SH3BP1: variants seen among roughly 807,000 people sequenced by gnomAD.
SH3BP1 encodes the protein SH3 domain-binding protein 1.
A neutral mutation model predicts 69.8 loss-of-function variants in SH3BP1; 46 were observed. That is an observed-to-expected ratio of 0.66 (90% confidence interval 0.52 to 0.84). The LOEUF (loss-of-function observed/expected upper bound fraction) is 0.84. Among genes scored for constraint, SH3BP1 ranks in the 40% least tolerant of loss-of-function variants. The pLI is 0.00. For missense variants in SH3BP1, 868 were observed against 930.9 expected (o/e 0.93, Z 0.88); for synonymous variants, 403 against 378.0 (o/e 1.07, Z -0.77).
At chr22:37,642,722 T>C (rs1325021374) in intron 4 of SH3BP1, 107 bp downstream of exon 4, 1 of 1,606,182 alleles carries the variant, frequency 6.2e-7, no homozygotes, top group South Asian at 1.1e-5. Context: ...ATGACCAGGC[T>C]GGGGACAGTT....
At position 37,655,358 on chromosome 22, in the gene SH3BP1, C is replaced by T; in HGVS notation, c.1780C>T (p.Pro594Ser). The T allele has an allele frequency of 6.8e-7, 1 of 1,471,068 alleles. No homozygotes were observed. The highest frequency in any genetic ancestry group is 9.1e-7 in the Non-Finnish European group (1 of 1,097,790). 91.1% of individuals were successfully genotyped at this position (1,471,068 alleles called of 1,614,324 possible). A position where few individuals can be genotyped will look rare whatever the true frequency, so the allele number is the denominator to read the frequency against. Reference sequence around the variant, plus strand: ...CTCCCCTCCAGCCCCGCCCTTGCCCCCTGGCTCTGGCAGCCCTGGGACCCC... The same window carrying T: ...CTCCCCTCCAGCCCCGCCCTTGCCCTCTGGCTCTGGCAGCCCTGGGACCCC... ...RSSPPAPPLP[P>S]GSGSPGTPQA... The change falls in exon 18 of 18, where the codon CCT becomes TCT. Residue 594 changes from proline (P) to serine (S), a missense_variant. Around this residue, in one of 3 missense-constraint regions of SH3BP1, gnomAD observed 474 missense variants for 462.3 expected, o/e 1.03. Transcript: ENST00000649765.
In SH3BP1 at chr22:37,650,525, G is replaced by A. The variant is rs376669485; in HGVS notation, c.1415-17G>A. 37 of 1,599,698 alleles carry A rather than the reference G, an allele frequency of 2.3e-5. No homozygotes were observed. Among genetic ancestry groups the A allele is most frequent in the Admixed American group, 1.2e-4 (7 of 58,798 alleles). ...GGCGCGGTCTCTGAGAGCCGTCTCC[G>A]CTCCTTCTGTCTCCAGACATCAACT... On this transcript the variant is annotated splice_polypyrimidine_tract_variant and intron_variant, in intron 15 of 17. Transcript: ENST00000649765.
chr22:37,644,583 C>G lies in SH3BP1; in HGVS notation c.619-54C>G, dbSNP rs1193064801. On this transcript the variant is annotated intron_variant, in intron 7 of 17. Coordinates refer to ENST00000649765, the MANE Select transcript of SH3BP1 (RefSeq NM_018957.6). ...CCAACCCTTCCAAGCCTCCTCTTCC[C>G]CTCTAGACCCCACAGCCTCACCCAA... The G allele has an allele frequency of 1.3e-5, 20 of 1,568,968 alleles. No individual in the cohort carries two copies. In the East Asian group the frequency reaches 4.0e-4, roughly 32 times the overall value.
Position 37,647,527 on chromosome 22 carries a change from C to T in SH3BP1, c.1199+6C>T. The T allele has an allele frequency of 6.3e-7, 1 of 1,589,856 alleles. No homozygotes were observed. The highest frequency in any genetic ancestry group is 8.5e-7 in the Non-Finnish European group (1 of 1,172,540). On this transcript the variant is annotated splice_donor_region_variant and intron_variant, in intron 13 of 17. Transcript: ENST00000649765. ...GAGAACCTCAGCAACCTCAGGTGAG[C>T]CCGAGCCCGCCTCCCCAGCCTGCCG...
At position 37,655,957 on chromosome 22, in the gene SH3BP1, G is replaced by T. The variant is rs1933032510; in HGVS notation, c.*273G>T. ...GGGGAGCCACCGGAAGGAAGGAGAG[G>T]TTTGCCTGCTCCTACGGGACTGATT... On this transcript the variant is annotated 3_prime_UTR_variant, in exon 18 of 18. Transcript: ENST00000649765. 6.4e-7 allele frequency: 1 copy of T among 1,554,584 alleles called. No individual in the cohort carries two copies. Among genetic ancestry groups the T allele is most frequent in the Non-Finnish European group, 8.7e-7 (1 of 1,152,644 alleles).
intron 13 of SH3BP1, among the ~76,000 whole-genome samples, chr22:37,647,935 C>G (rs999935167): frequency 2.6e-5 from 4 of 152,256 alleles, no homozygotes; most frequent in African/African-American, 9.6e-5. Context: ...CTCAGCCTCC[C>G]AAAGTGCTGG....
At chr22:37,649,116 T>C (rs997933419) in intron 14 of SH3BP1, among the ~76,000 whole-genome samples, 2 of 152,056 alleles carry the variant, frequency 1.3e-5, no homozygotes, top group African/African-American at 4.8e-5. Flanking sequence ...CATCTGTAAA[T>C]TGGGGAGAAA....
chr22:37,655,991 G>A lies in SH3BP1; in HGVS notation c.*307G>A, dbSNP rs1933034818. ...CTCCTACGGGACTGATTCTTCTCTT[G>A]CCGACATGTTTTTTGTAAGGCTGGT... On this transcript the variant is annotated 3_prime_UTR_variant, in exon 18 of 18. Transcript: ENST00000649765. The A allele has an allele frequency of 6.6e-7, 1 of 1,510,366 alleles. No individual in the cohort carries two copies. The highest frequency in any genetic ancestry group is 2.8e-5 in the East Asian group (1 of 36,128). The allele number at this position is 1,510,366 out of a possible 1,614,324, so 93.6% of individuals were successfully genotyped here. A position where few individuals can be genotyped will look rare whatever the true frequency, so the allele number is the denominator to read the frequency against.
chr22:37,643,394 T>A (rs1014089503), intron 6 of SH3BP1: 5 of 659,132 alleles, frequency 7.6e-6, no homozygotes, highest in Admixed American at 2.8e-5. Context: ...CCCTAAAGCC[T>A]GGGATCCTGT....
Position 37,643,147 on chromosome 22 carries a change from T to C in SH3BP1, c.446T>C (p.Val149Ala), listed in dbSNP as rs1168962762. ...CACAAGAAAAGCCTCCAGAAGCTCG[T>C]GTCCGACTGGAACACACTCAAGAGC... The part of the protein sequence containing the change: ...LKHKKSLQKL[V>A]SDWNTLKSRL... Residue 149 changes from valine (V) to alanine (A), a missense_variant, in exon 6 of 18, where the codon GTG becomes GCG. Val to Ala is a moderately conservative substitution (Grantham distance 64). Coordinates refer to ENST00000649765, the MANE Select transcript of SH3BP1 (RefSeq NM_018957.6). The C allele has an allele frequency of 1.2e-6, 2 of 1,608,410 alleles. No individual in the cohort carries two copies. The highest frequency in any genetic ancestry group is 3.4e-5 in the Admixed American group (2 of 59,404).
intron 3 of SH3BP1, chr22:37,641,733 C>G (rs1601580346): frequency 2.1e-6 from 1 of 479,858 alleles, no homozygotes; most frequent in East Asian, 3.7e-5. Flanking sequence ...ACTTCTCTGT[C>G]CAATCAGTGC....
rs762987 is a variant in SH3BP1, at chr22:37,650,711, A to G, written c.1584A>G (p.Ala528=). ...CTCCGGCCCCAGCCTTGGCTTCAGC[A>G]GCTACCAAGGAAAGGTGAGGACTGA... is the stretch of plus-strand genomic sequence containing the variant. ...APAPAPALAS[A]ATKERTESEV... is the part of the protein sequence containing the mutation. Residue 528 remains alanine, a synonymous_variant, in exon 16 of 18, where the codon GCA becomes GCG. Coordinates refer to ENST00000649765, the MANE Select transcript of SH3BP1 (RefSeq NM_018957.6). 0.092 allele frequency: 148,063 copies of G among 1,611,028 alleles called. 10,160 individuals carry two copies. Among genetic ancestry groups the G allele is most frequent in the African/African-American group, 0.35 (26,276 of 74,924 alleles).
chr22:37,642,384 T>C (rs1932628702), intron 3 of SH3BP1, 155 bp from the exon 4 acceptor site: 2 of 664,770 alleles, frequency 3.0e-6, no homozygotes, highest in Admixed American at 5.1e-5. Context: ...CAGGGAAATG[T>C]CACCCCCACC....
Position 37,642,564 on chromosome 22 carries a change from C to G in SH3BP1, c.233C>G (p.Ser78Cys). Residue 78 changes from serine (S) to cysteine (C), a missense_variant, in exon 4 of 18, where the codon TCC becomes TGC. Physicochemically the swap from Ser to Cys is moderately radical, Grantham distance 112. This residue lies in a region of SH3BP1 where 387 missense variants were observed against 447.9 expected (regional missense o/e 0.86). Coordinates refer to ENST00000649765, the MANE Select transcript of SH3BP1 (RefSeq NM_018957.6). ...AAGAAGCTTCCCCTCATGGCTCTGT[C>G]CACCACGATGGCTGAGAGCTTCAAG... ...RVKKLPLMAL[S>C]TTMAESFKEL... is the part of the protein sequence containing the mutation. 1 of 1,613,348 alleles carries G rather than the reference C, an allele frequency of 6.2e-7. No individual in the cohort carries two copies. The highest frequency in any genetic ancestry group is 8.5e-7 in the Non-Finnish European group (1 of 1,179,998).
chr22:37,641,424 G>A lies in SH3BP1; in HGVS notation c.153G>A (p.Lys51=). The change falls in exon 3 of 18, where the codon AAG becomes AAA. Residue 51 remains lysine (K), a synonymous_variant. Transcript: ENST00000649765. ...AGCGGGCAGCCCACAACATCCACAA[G>A]CGGCTGCAGGCCTGTCTGCAGGGCC... The part of the protein sequence containing the change: ...PAKRAAHNIH[K]RLQACLQGQS... 6.4e-7 allele frequency: 1 copy of A among 1,551,144 alleles called. No individual in the cohort carries two copies. Among genetic ancestry groups the A allele is most frequent in the Non-Finnish European group, 8.7e-7 (1 of 1,147,130 alleles).
intron 1 of SH3BP1, chr22:37,640,615 G>T: frequency 6.0e-6 from 1 of 166,922 alleles, no homozygotes; most frequent in Non-Finnish European, 1.3e-5. Context: ...TGGACAGTCA[G>T]ACCACCTTGC....
chr22:37,652,297 G>A (rs1439146934), intron 16 of SH3BP1, among the ~76,000 whole-genome samples: 20 of 148,344 alleles, frequency 1.3e-4, no homozygotes, highest in Admixed American at 1.0e-3. Flanking sequence ...GCAACAGAGC[G>A]AGACTCCGTC....
In SH3BP1 at chr22:37,643,356, G is replaced by A. The variant is rs150792018; in HGVS notation, c.473+182G>A. The A allele has an allele frequency of 1.8e-3, 1,183 of 671,414 alleles. 22 individuals are homozygous for A. The East Asian group carries it at 0.03, about 17-fold the overall frequency. The allele number at this position is 671,414 out of a possible 1,614,324, so 41.6% of individuals were successfully genotyped here. ...TTAGCGTATCTGTGAGGGTGTGCCCGCGTGTGTCACAGCTGGTGCTGGGGC... is the reference window on the plus strand; with the variant it reads ...TTAGCGTATCTGTGAGGGTGTGCCCACGTGTGTCACAGCTGGTGCTGGGGC... On this transcript the variant is annotated intron_variant, in intron 6 of 17. Transcript: ENST00000649765.
chr22:37,643,964 C>T (rs1202959274), intron 7 of SH3BP1, among the ~76,000 whole-genome samples, 176 bp downstream of exon 7: 1 of 152,214 alleles, frequency 6.6e-6, no homozygotes, highest in Non-Finnish European at 1.5e-5. Context: ...GTACCCCATG[C>T]ATAACTTGGG....
Sources: gnomAD v4.1 joint callset for allele counts (sites outside exome capture counted in the v4.1 genomes callset) on GRCh38, gnomAD v4.1.1 for gene constraint, gnomAD v4.1.1 regional missense constraint, MANE v1.5 for transcripts, NCBI Gene and HGNC (gene_info 2026-07-23, HGNC 2026-07-21) for gene names.